E2F5: variants seen among roughly 807,000 people sequenced by gnomAD.
The protein encoded by E2F5 is E2F transcription factor 5.
A neutral mutation model predicts 39.1 loss-of-function variants in E2F5; 23 were observed. The ratio of observed to expected loss-of-function variants is 0.59; its 90% CI spans 0.42 to 0.83. The LOEUF (loss-of-function observed/expected upper bound fraction) is 0.83, where lower values mean the gene tolerates loss of function less well. Ranked by LOEUF, E2F5 falls within the 40% of genes least tolerant of loss-of-function variation. The pLI is 0.00. For synonymous variants in E2F5, 145 were observed against 157.8 expected, an observed-to-expected ratio of 0.92 and a Z score of 0.61; for missense variants, 365 against 406.7, an observed-to-expected ratio of 0.90 and a Z score of 0.88.
intron 4 of E2F5, 134 bp downstream of exon 4, chr8:85,206,354 GTGTATTGATAGACTGCTTT>G (rs1199254786): frequency 2.5e-6 from 2 of 804,248 alleles, no homozygotes; most frequent in African/African-American, 1.7e-5. Flanking sequence ...CCACCATGCC[GTGTATTGATAGACTGCTTT>G]TGTTTCTGTT....
intron 1 of E2F5, among the ~76,000 whole-genome samples, chr8:85,190,421 T>C (rs569699733): frequency 6.6e-6 from 1 of 151,208 alleles, no homozygotes; most frequent in Admixed American, 6.6e-5. Flanking sequence ...GACCTGTGAA[T>C]ATGTTCAGTT....
At chr8:85,195,397 G>C (rs4150908) in intron 1 of E2F5, among the ~76,000 whole-genome samples, 1 of 152,032 alleles carries the variant, frequency 6.6e-6, no homozygotes, top group South Asian at 2.1e-4. Flanking sequence ...AAAAGAAAAA[G>C]TAGGTGCAAA....
chr8:85,212,123 C>T, intron 6 of E2F5, 34 bp from the exon 7 acceptor site: 1 of 1,549,606 alleles, frequency 6.5e-7, no homozygotes, highest in Non-Finnish European at 8.9e-7. Flanking sequence ...TTACTGTTAA[C>T]AGAAATATAA....
At chr8:85,203,321 G>A in intron 3 of E2F5, 66 bp downstream of exon 3, 1 of 1,294,432 alleles carries the variant, frequency 7.7e-7, no homozygotes. Flanking sequence ...AATCATTTCA[G>A]TCTAAAGATC....
intron 1 of E2F5, among the ~76,000 whole-genome samples, chr8:85,184,797 A>G (rs1254905626): frequency 6.6e-6 from 1 of 152,232 alleles, no homozygotes; most frequent in Non-Finnish European, 1.5e-5. Flanking sequence ...TAGGAATCCA[A>G]CTTACAAGGG....
Position 85,211,668 on chromosome 8 carries a change from T to C in E2F5, c.884-489T>C, listed in dbSNP as rs1336107687. Among the ~76,000 whole-genome samples the C allele has an allele frequency of 6.2e-5, 9 of 145,040 alleles. No individual in the cohort carries two copies. The East Asian group carries it at 1.8e-3, about 29-fold the overall frequency. ...GTTTTTTTTTTTTTTTTTTTTTTTTTTTTGGCAGGGTCTCACTTTGTCAGC... is the reference window on the plus strand; with the variant it reads ...GTTTTTTTTTTTTTTTTTTTTTTTTCTTTGGCAGGGTCTCACTTTGTCAGC... On this transcript the variant is annotated intron_variant, in intron 6 of 7. Transcript: ENST00000416274.
intron 1 of E2F5, chr8:85,177,927 G>A (rs957723711): frequency 2.3e-5 from 7 of 308,568 alleles, no homozygotes; most frequent in Admixed American, 6.0e-5. Flanking sequence ...CCTCGAGCGC[G>A]CCCGCGTGGC....
chr8:85,181,730 C>T (rs1368964678), intron 1 of E2F5, among the ~76,000 whole-genome samples: 4 of 150,708 alleles, frequency 2.7e-5, no homozygotes, highest in Non-Finnish European at 5.9e-5. Flanking sequence ...GAGGCCGAGG[C>T]GGGCAGATCA....
chr8:85,202,746 G>A (rs1290473288), intron 2 of E2F5, among the ~76,000 whole-genome samples: 1 of 152,082 alleles, frequency 6.6e-6, no homozygotes, highest in Non-Finnish European at 1.5e-5. Flanking sequence ...ACATTAAAAT[G>A]TTGTAATTTA....
At chr8:85,185,287 A>C (rs542325092) in intron 1 of E2F5, among the ~76,000 whole-genome samples, 2 of 152,108 alleles carry the variant, frequency 1.3e-5, no homozygotes, top group Admixed American at 6.5e-5. Context: ...TTAATAAATG[A>C]TGTTGGAAAA....
At chr8:85,206,508 C>G (rs535412775) in intron 4 of E2F5, among the ~76,000 whole-genome samples, 1 of 152,180 alleles carries the variant, frequency 6.6e-6, no homozygotes, top group African/African-American at 2.4e-5. Context: ...GATTAAGCAA[C>G]TTTCATTGTC....
At chr8:85,180,939 A>G (rs1454317709) in intron 1 of E2F5, among the ~76,000 whole-genome samples, 3 of 150,988 alleles carry the variant, frequency 2.0e-5, no homozygotes, top group African/African-American at 4.9e-5. Flanking sequence ...GTGCAGTGGT[A>G]CAATCTCAGC....
Position 85,209,164 on chromosome 8 carries a change from A to G in E2F5, c.638A>G (p.Tyr213Cys). ...PEMGQNGQKK[Y>C]QINLKSHSGP... ...AAGGGTCAGAATGGACAAAAGAAAT[A>G]CCAGATCAATCTAAAGAGTCATTCA... Residue 213 changes from tyrosine (Y) to cysteine (C), a missense_variant, in exon 6 of 8, where the codon TAC becomes TGC. Tyr to Cys is a radical substitution (Grantham distance 194). Coordinates refer to ENST00000416274, the MANE Select transcript of E2F5 (RefSeq NM_001951.4). 6.2e-7 allele frequency: 1 copy of G among 1,613,980 alleles called. No individual in the cohort carries two copies. Among genetic ancestry groups the G allele is most frequent in the Non-Finnish European group, 8.5e-7 (1 of 1,179,868 alleles).
At chr8:85,198,387 T>C (rs1475763460) in intron 1 of E2F5, among the ~76,000 whole-genome samples, 1 of 151,902 alleles carries the variant, frequency 6.6e-6, no homozygotes, top group Non-Finnish European at 1.5e-5. Flanking sequence ...TCCCTAAAAA[T>C]ATTGCCCCAT....
intron 5 of E2F5, among the ~76,000 whole-genome samples, 151 bp from the exon 6 acceptor site, chr8:85,208,989 CTA>C (rs757581323): frequency 6.6e-6 from 1 of 152,164 alleles, no homozygotes; most frequent in Non-Finnish European, 1.5e-5. Context: ...ACATTCTACT[CTA>C]TGTCTCTACT....
intron 1 of E2F5, among the ~76,000 whole-genome samples, chr8:85,198,871 C>T (rs1812635471): frequency 6.6e-6 from 1 of 152,150 alleles, no homozygotes; most frequent in Non-Finnish European, 1.5e-5. Context: ...AGTGGTCTTG[C>T]TTTCTCCCTG....
chr8:85,212,303 C>A, intron 7 of E2F5, 99 bp downstream of exon 7: 1 of 865,322 alleles, frequency 1.2e-6, no homozygotes, highest in Non-Finnish European at 1.8e-6. Flanking sequence ...ATATTTGCTA[C>A]CTGCTTTACT....
Position 85,203,082 on chromosome 8 carries a change from T to C in E2F5, c.345-12T>C. ...CTGATACTGAGGATATTAATTCTCA[T>C]ATGTTTTTAAGAGGTGTAGGTGCTG... is the stretch of plus-strand genomic sequence containing the variant. On this transcript the variant is annotated splice_polypyrimidine_tract_variant and intron_variant, in intron 2 of 7. Transcript: ENST00000416274. The C allele has an allele frequency of 6.8e-7, 1 of 1,465,052 alleles. No individual in the cohort carries two copies. The highest frequency in any genetic ancestry group is 9.0e-7 in the Non-Finnish European group (1 of 1,105,082). The allele number at this position is 1,465,052 out of a possible 1,614,324, so 90.8% of individuals were successfully genotyped here. A position where few individuals can be genotyped will look rare whatever the true frequency, so the allele number is the denominator to read the frequency against.
At chr8:85,183,105 A>T (rs1029729216) in intron 1 of E2F5, among the ~76,000 whole-genome samples, 1 of 152,158 alleles carries the variant, frequency 6.6e-6, no homozygotes, top group African/African-American at 2.4e-5. Context: ...CAAAAAAATT[A>T]GCCGGGTGTG....
Sources: allele counts gnomAD v4.1 joint callset (sites outside exome capture counted in the v4.1 genomes callset), GRCh38; gene constraint gnomAD v4.1.1; transcripts MANE v1.5; gene names NCBI Gene and HGNC (gene_info 2026-07-23, HGNC 2026-07-21).